The following TSNARE1 variants were observed in gnomAD, a reference collection of about 807,000 sequenced individuals.
TSNARE1 encodes t-SNARE domain containing 1, also known as t-SNARE domain-containing protein 1.
In TSNARE1, 49 loss-of-function variants were observed where a neutral mutation model predicts 62.0. The ratio of observed to expected loss-of-function variants is 0.79; its 90% CI spans 0.63 to 1.00. The LOEUF (loss-of-function observed/expected upper bound fraction) is 1.00. Ranked by LOEUF, TSNARE1 falls within the 50% of genes least tolerant of loss-of-function variation. The probability of loss-of-function intolerance (pLI) is 0.00; values close to 1 mark genes in which losing one functional copy is unlikely to be tolerated. For synonymous variants in TSNARE1, 328 were observed against 294.4 expected (o/e 1.11, Z -1.17); for missense variants, 755 against 700.1 (o/e 1.08, Z -0.88).
intron 6 of TSNARE1, among the ~76,000 whole-genome samples, chr8:142,318,862 A>T (rs1257995223): frequency 6.6e-6 from 1 of 151,884 alleles, no homozygotes; most frequent in African/African-American, 2.4e-5. Flanking sequence ...AAAGACTCAG[A>T]GAAAGAGAGA....
chr8:142,291,175 G>C lies in TSNARE1; in HGVS notation c.1291-6690C>G, dbSNP rs1050083276. Among the ~76,000 whole-genome samples, 1 of 151,960 alleles carries C rather than the reference G, an allele frequency of 6.6e-6. No homozygotes were observed. Among genetic ancestry groups the C allele is most frequent in the East Asian group, 1.9e-4 (1 of 5,146 alleles). The stretch of plus-strand genomic sequence containing the variant: ...CTGGCTCTTTCCATGCCTGGCTCTG[G>C]ACCTGCGGGTGGCCTTGGAGACAAA... On this transcript the variant is annotated intron_variant, in intron 10 of 13. Coordinates refer to ENST00000524325, the MANE Select transcript of TSNARE1 (RefSeq NM_145003.5). This position sits in a 1 kb window ranked among gnomAD's most constrained non-coding sequence, Gnocchi z 4.8.
chr8:142,391,690 A>T (rs949530067), intron 1 of TSNARE1, among the ~76,000 whole-genome samples: 10 of 152,224 alleles, frequency 6.6e-5, no homozygotes, highest in Non-Finnish European at 1.5e-4. Flanking sequence ...GCAGCCTTGC[A>T]TGGAGCCAGC....
At chr8:142,265,726 G>T (rs72687347) in intron 12 of TSNARE1, among the ~76,000 whole-genome samples, 2 of 152,126 alleles carry the variant, frequency 1.3e-5, no homozygotes, top group Non-Finnish European at 2.9e-5. Context: ...GTGCATGAGC[G>T]AGCCATTTCT....
intron 6 of TSNARE1, among the ~76,000 whole-genome samples, chr8:142,320,782 G>T (rs769403828): frequency 1.3e-5 from 2 of 152,230 alleles, no homozygotes; most frequent in African/African-American, 2.4e-5. Context: ...CCCTGGGAGG[G>T]TCAGGCAGGT....
chr8:142,336,292 A>C (rs2129737671), intron 4 of TSNARE1, among the ~76,000 whole-genome samples: 1 of 150,740 alleles, frequency 6.6e-6, no homozygotes, highest in Non-Finnish European at 1.5e-5. Context: ...CAAAAAAAAA[A>C]AAAAAAAAAA....
Position 142,291,971 on chromosome 8 carries a change from G to A in TSNARE1, c.1291-7486C>T, listed in dbSNP as rs1209906328. Among the ~76,000 whole-genome samples the A allele has an allele frequency of 6.6e-6, 1 of 151,456 alleles. No individual in the cohort carries two copies. Among genetic ancestry groups the A allele is most frequent in the Non-Finnish European group, 1.5e-5 (1 of 67,912 alleles). ...GTCACAGCAACGCACGCCCCCCCCG[G>A]CCCCCCACCTGTTTCAAGCAGAATG... On this transcript the variant is annotated intron_variant, in intron 10 of 13. Coordinates refer to ENST00000524325, the MANE Select transcript of TSNARE1 (RefSeq NM_145003.5). This position sits in a 1 kb window ranked among gnomAD's most constrained non-coding sequence, Gnocchi z 4.8.
chr8:142,380,301 G>C (rs1836643633), intron 1 of TSNARE1, among the ~76,000 whole-genome samples: 2 of 152,176 alleles, frequency 1.3e-5, no homozygotes, highest in South Asian at 4.1e-4. Flanking sequence ...TCCCACCCAT[G>C]GCCAACGGCC....
At chr8:142,228,635 T>G (rs1172980466) in intron 13 of TSNARE1, among the ~76,000 whole-genome samples, 1 of 152,202 alleles carries the variant, frequency 6.6e-6, no homozygotes, top group Non-Finnish European at 1.5e-5. Flanking sequence ...GGCTTCAGGG[T>G]GGCCTTGCCC....
chr8:142,360,997 G>A (rs900907216), intron 1 of TSNARE1, among the ~76,000 whole-genome samples: 1 of 152,120 alleles, frequency 6.6e-6, no homozygotes, highest in South Asian at 2.1e-4. Context: ...CAGCAGATGG[G>A]AACAGCGTTC....
intron 12 of TSNARE1, among the ~76,000 whole-genome samples, chr8:142,272,214 A>T (rs900211186): frequency 3.3e-5 from 5 of 150,838 alleles, no homozygotes; most frequent in African/African-American, 4.9e-5. Context: ...CCAGCCACTC[A>T]CCCATCTACT....
intron 2 of TSNARE1, among the ~76,000 whole-genome samples, chr8:142,346,326 G>A (rs1001061660): frequency 2.0e-5 from 3 of 152,224 alleles, no homozygotes; most frequent in Non-Finnish European, 4.4e-5. Context: ...ACTCCGTAGC[G>A]TATGGGAGAT....
intron 6 of TSNARE1, among the ~76,000 whole-genome samples, chr8:142,322,813 G>A (rs903145263): frequency 2.6e-5 from 4 of 152,046 alleles, no homozygotes; most frequent in Non-Finnish European, 5.9e-5. Context: ...TACCGTGTCT[G>A]TGGGTTGGAC....
chr8:142,358,918 G>T (rs944246918), intron 1 of TSNARE1, among the ~76,000 whole-genome samples: 3 of 151,940 alleles, frequency 2.0e-5, no homozygotes, highest in African/African-American at 7.3e-5. Flanking sequence ...GCCCTCTCCA[G>T]TCCTGCCCCA....
At chr8:142,222,327 C>T (rs1258911645) in intron 13 of TSNARE1, among the ~76,000 whole-genome samples, 1,276 of 31,052 alleles carry the variant, frequency 0.041, 506 homozygotes, top group Admixed American at 0.05. Flanking sequence ...CACTAATTCA[C>T]TCACTCGCTC....
At chr8:142,221,977 TCAC>T in intron 13 of TSNARE1, among the ~76,000 whole-genome samples, 1 of 81,508 alleles carries the variant, frequency 1.2e-5, no homozygotes, top group Non-Finnish European at 3.4e-5. Context: ...ACTCATCCAC[TCAC>T]TCACTCATTC....
At chr8:142,275,273 G>A in intron 11 of TSNARE1, 1 of 985,460 alleles carries the variant, frequency 1.0e-6, no homozygotes, top group Non-Finnish European at 1.2e-6. Context: ...AACGTCTGTG[G>A]AGTTGCGACG....
intron 1 of TSNARE1, among the ~76,000 whole-genome samples, chr8:142,387,876 A>G (rs1284880502): frequency 6.6e-6 from 1 of 152,228 alleles, no homozygotes; most frequent in Non-Finnish European, 1.5e-5. Flanking sequence ...AGAGAATGGC[A>G]TAAGAAATAT....
chr8:142,364,339 C>T (rs557411229), intron 1 of TSNARE1, among the ~76,000 whole-genome samples: 1 of 152,308 alleles, frequency 6.6e-6, no homozygotes, highest in Admixed American at 6.5e-5. Context: ...GAGGAGTCAG[C>T]GTGAATTCAT....
At chr8:142,317,649 TGTGGGGACAGTCAGAA>T (rs1828791590) in intron 7 of TSNARE1, among the ~76,000 whole-genome samples, 1 of 151,896 alleles carries the variant, frequency 6.6e-6, no homozygotes, top group African/African-American at 2.4e-5. Context: ...GAGCGGAGGG[TGTGGGGACAGTCAGAA>T]GTGGGGACAG....
Sources: gnomAD v4.1 joint callset for allele counts (sites outside exome capture counted in the v4.1 genomes callset) on GRCh38, gnomAD v4.1.1 for gene constraint, Gnocchi (gnomAD v3.1) non-coding constraint, MANE v1.5 for transcripts, NCBI Gene and HGNC (gene_info 2026-07-23, HGNC 2026-07-21) for gene names.